The following NOA1 variants were observed in gnomAD, a reference collection of about 807,000 sequenced individuals.
NOA1 encodes the protein nitric oxide-associated protein 1.
In NOA1, 35 loss-of-function variants were observed where a neutral mutation model predicts 58.4. That is an observed-to-expected ratio of 0.60 (90% confidence interval 0.46 to 0.79). The LOEUF (loss-of-function observed/expected upper bound fraction) is 0.79. Among genes scored for constraint, NOA1 ranks in the 30% least tolerant of loss-of-function variants. The pLI is 0.00. For missense variants in NOA1, 895 were observed against 894.6 expected, an observed-to-expected ratio of 1.00 and a Z score of -0.01; for synonymous variants, 397 against 373.4, an observed-to-expected ratio of 1.06 and a Z score of -0.73.
chr4:56,974,080 A>AACAGCGAC, intron 1 of NOA1, 58 bp from the exon 2 acceptor site: 1 of 1,073,906 alleles, frequency 9.3e-7, no homozygotes, highest in Non-Finnish European at 1.3e-6. Flanking sequence ...AAGAAAATGA[A>AACAGCGAC]CATTTTTGAG....
rs577828164 is a variant in NOA1 at position 56,970,676 on chromosome 4, G to T, written c.1516-2161C>A. Among the ~76,000 whole-genome samples the T allele has an allele frequency of 3.3e-5, 5 of 151,990 alleles. No homozygotes were observed. In the East Asian group the frequency reaches 7.9e-4, roughly 24 times the overall value. On this transcript the variant is annotated intron_variant, in intron 3 of 6. Transcript: ENST00000264230. ...ACAGTTTTGGCATGTTGCCCAGGCT[G>T]GTCTCAAACTCCTGGGCTCAAGCAA...
At chr4:56,966,065 C>CTGGA (rs1407636844) in intron 5 of NOA1, among the ~76,000 whole-genome samples, 3 of 128,560 alleles carry the variant, frequency 2.3e-5, no homozygotes, top group African/African-American at 9.2e-5. Context: ...GTTGCCCAGG[C>CTGGA]TGGAGTGCAG....
intron 1 of NOA1, among the ~76,000 whole-genome samples, chr4:56,975,531 C>CG: frequency 1.3e-5 from 2 of 151,048 alleles, no homozygotes; most frequent in Non-Finnish European, 3.0e-5. Context: ...TTTGGGAGGC[C>CG]AAGAGTTCCA....
rs746112009 is a variant in NOA1, at chr4:56,963,526, C to T, written c.2021G>A (p.Ser674Asn). The part of the protein sequence containing the change: ...VNIKGQRIKK[S>N]VAYKTKKPPS... ...AGGCTTCTTGGTTTTATAGGCCACA[C>T]TTTTCTTGATGCGCTGTCCTTTGAT... Residue 674 changes from serine (S) to asparagine (N), a missense_variant, in exon 7 of 7, where the codon AGT becomes AAT. Ser to Asn is a conservative substitution (Grantham distance 46). Transcript: ENST00000264230. The T allele has an allele frequency of 3.7e-6, 6 of 1,613,980 alleles. No individual in the cohort carries two copies. The Admixed American group carries it at 5.0e-5, about 13-fold the overall frequency.
intron 4 of NOA1, among the ~76,000 whole-genome samples, chr4:56,967,547 A>G (rs958378557): frequency 6.6e-6 from 1 of 152,178 alleles, no homozygotes; most frequent in Non-Finnish European, 1.5e-5. Context: ...AATGGCACAC[A>G]GTTGTATTGT....
At chr4:56,971,674 T>C (rs1030956022) in intron 3 of NOA1, among the ~76,000 whole-genome samples, 2 of 152,184 alleles carry the variant, frequency 1.3e-5, no homozygotes, top group African/African-American at 2.4e-5. Flanking sequence ...GTTGTGAGGC[T>C]GTATCCTGGA....
chr4:56,970,820 G>C (rs1319367816), intron 3 of NOA1, among the ~76,000 whole-genome samples: 1 of 152,046 alleles, frequency 6.6e-6, no homozygotes, highest in African/African-American at 2.4e-5. Context: ...GGAAACCCTG[G>C]TTTAAGACAT....
intron 1 of NOA1, among the ~76,000 whole-genome samples, chr4:56,974,856 C>A (rs936084386): frequency 6.6e-6 from 1 of 151,716 alleles, no homozygotes; most frequent in African/African-American, 2.4e-5. Flanking sequence ...CACCAGCTAC[C>A]AAACCCGGCT....
At position 56,964,445 on chromosome 4, in the gene NOA1, C is replaced by G. The variant is rs1452757228; in HGVS notation, c.1846G>C (p.Ala616Pro). Residue 616 changes from alanine (A) to proline (P), a missense_variant, in exon 6 of 7, where the codon GCA becomes CCA. Ala to Pro is a conservative substitution (Grantham distance 27). Coordinates refer to ENST00000264230, the MANE Select transcript of NOA1 (RefSeq NM_032313.4). ...EDIMLKEGLG[A>P]SEAVADIKFS... is the part of the protein sequence containing the mutation. ...TTGATGTCGGCCACTGCTTCAGATG[C>G]CCCCAGTCCTTCTTTTAACATAATG... is the stretch of plus-strand genomic sequence containing the variant. 6.2e-7 allele frequency: 1 copy of G among 1,614,066 alleles called. No individual in the cohort carries two copies. Among genetic ancestry groups the G allele is most frequent in the Admixed American group, 1.7e-5 (1 of 59,998 alleles).
chr4:56,964,588 G>A, intron 5 of NOA1, 62 bp from the exon 6 acceptor site: 3 of 1,515,340 alleles, frequency 2.0e-6, no homozygotes, highest in Non-Finnish European at 2.7e-6. Context: ...CTAACATTAA[G>A]CAAATCACTG....
intron 4 of NOA1, among the ~76,000 whole-genome samples, 163 bp downstream of exon 4, chr4:56,968,221 C>T (rs1380199424): frequency 6.6e-6 from 1 of 151,966 alleles, no homozygotes; most frequent in South Asian, 2.1e-4. Context: ...CCCAGCCATC[C>T]CCAAGTTTTT....
In NOA1 at chr4:56,976,806, G is replaced by A. The variant is rs1190813576; in HGVS notation, c.780C>T (p.Tyr260=). 1.2e-6 allele frequency: 2 copies of A among 1,610,808 alleles called. No individual in the cohort carries two copies. The highest frequency in any genetic ancestry group is 1.1e-5 in the South Asian group (1 of 90,986). The part of the protein sequence containing the change: ...VDLLPQDAPG[Y]RQRLRERLWE... ...ACAGTCGCTCCCGCAGCCTCTGCCG[G>A]TAGCCAGGAGCATCCTGGGGCAGGA... Residue 260 remains tyrosine, a synonymous_variant, in exon 1 of 7, where the codon TAC becomes TAT. Transcript: ENST00000264230.
chr4:56,977,044 C>G lies in NOA1; in HGVS notation c.542G>C (p.Arg181Pro). 5 of 1,583,802 alleles carry G rather than the reference C, an allele frequency of 3.2e-6. No individual in the cohort carries two copies. Among genetic ancestry groups the G allele is most frequent in the Non-Finnish European group, 4.3e-6 (5 of 1,170,154 alleles). The change falls in exon 1 of 7, where the codon CGC becomes CCC. Residue 181 changes from arginine (R) to proline (P), a missense_variant. Arg to Pro is a moderately radical substitution (Grantham distance 103). Coordinates refer to ENST00000264230, the MANE Select transcript of NOA1 (RefSeq NM_032313.4). Reference sequence around the variant, plus strand: ...CCGGTGGTGCGACAGCAGCCAGCAGCGCTGGCACACGGTCCGTGCCAGCCC... The same window carrying G: ...CCGGTGGTGCGACAGCAGCCAGCAGGGCTGGCACACGGTCCGTGCCAGCCC... ...DGGLARTVCQ[R>P]CWLLSHHRRA...
chr4:56,964,602 A>T (rs553232974), intron 5 of NOA1, 76 bp from the exon 6 acceptor site: 1 of 1,469,080 alleles, frequency 6.8e-7, no homozygotes, highest in African/African-American at 1.4e-5. Flanking sequence ...ATCACTGATA[A>T]GATAATTCTG....
At chr4:56,971,813 T>G (rs1721815898) in intron 3 of NOA1, among the ~76,000 whole-genome samples, 2 of 152,022 alleles carry the variant, frequency 1.3e-5, no homozygotes, top group Non-Finnish European at 2.9e-5. Context: ...CAAAGTTACC[T>G]ATGAGGCCCA....
At chr4:56,969,985 TG>T (rs1721786208) in intron 3 of NOA1, among the ~76,000 whole-genome samples, 1 of 152,122 alleles carries the variant, frequency 6.6e-6, no homozygotes, top group Admixed American at 6.6e-5. Context: ...GGTTTTGTCA[TG>T]TTGGCCAGGC....
At chr4:56,976,007 A>G (rs766808512) in intron 1 of NOA1, among the ~76,000 whole-genome samples, 3 of 152,240 alleles carry the variant, frequency 2.0e-5, no homozygotes, top group Non-Finnish European at 1.5e-5. Flanking sequence ...AGATCACGCC[A>G]CTGCACTCCA....
intron 4 of NOA1, among the ~76,000 whole-genome samples, chr4:56,967,999 C>G (rs1444314940): frequency 1.3e-5 from 2 of 151,590 alleles, no homozygotes; most frequent in Admixed American, 1.3e-4. Context: ...CTCACTGCAG[C>G]CTCCGCCTCC....
Position 56,977,546 on chromosome 4 carries a change from A to T in NOA1, c.40T>A (p.Phe14Ile). Residue 14 changes from phenylalanine to isoleucine, a missense_variant, in exon 1 of 7, where the codon TTC (phenylalanine) becomes ATC (isoleucine). Physicochemically the swap from Phe to Ile is conservative, Grantham distance 21. Around this residue, in one of 3 missense-constraint regions of NOA1, gnomAD observed 680 missense variants for 656.5 expected, o/e 1.04. Transcript: ENST00000264230. ...GCCGTGGGAGCGGATCCACGAAGGA[A>T]AAGGCTCAGCAGCCTGAACGGTAGG... is the stretch of plus-strand genomic sequence containing the variant. Reference protein sequence around the residue: ...ARLPFRLLSLFLRGSAPTAAR... With the variant: ...ARLPFRLLSLILRGSAPTAAR... 6.2e-7 allele frequency: 1 copy of T among 1,610,870 alleles called. No homozygotes were observed. The highest frequency in any genetic ancestry group is 8.5e-7 in the Non-Finnish European group (1 of 1,178,800).
Sources: allele counts gnomAD v4.1 joint callset (sites outside exome capture counted in the v4.1 genomes callset), GRCh38; gene constraint gnomAD v4.1.1; regional missense constraint gnomAD v4.1.1; transcripts MANE v1.5; gene names NCBI Gene and HGNC (gene_info 2026-07-23, HGNC 2026-07-21).